The following TBCEL variants were observed in gnomAD, a reference collection of about 807,000 sequenced individuals.
The protein encoded by TBCEL is tubulin-specific chaperone cofactor E-like protein.
Under a neutral mutation model 44.2 loss-of-function variants are expected in TBCEL, and 15 were observed. That is an observed-to-expected ratio of 0.34 (90% CI 0.23 to 0.52). The LOEUF is 0.52. Among genes scored for constraint, TBCEL ranks in the 20% least tolerant of loss-of-function variants. The pLI, the probability that TBCEL is intolerant of heterozygous loss-of-function variation, is 0.95. For synonymous variants in TBCEL, 171 were observed against 185.4 expected (o/e 0.92, Z 0.63); for missense variants, 319 against 506.3 (o/e 0.63, Z 3.55).
At chr11:121,042,554 CTTATCTT>C (rs1458592395) in intron 2 of TBCEL, among the ~76,000 whole-genome samples, 1 of 152,122 alleles carries the variant, frequency 6.6e-6, no homozygotes, top group Non-Finnish European at 1.5e-5. Context: ...AAAACAAACT[CTTATCTT>C]TTAGCTTACA....
At chr11:121,073,629 A>G (rs1037091464) in intron 8 of TBCEL, among the ~76,000 whole-genome samples, 11 of 151,908 alleles carry the variant, frequency 7.2e-5, no homozygotes, top group Admixed American at 2.0e-4. Context: ...TAAAATGCGC[A>G]GTAAAAGAGG....
At chr11:121,050,095 T>G (rs964856414) in intron 4 of TBCEL, among the ~76,000 whole-genome samples, 1 of 151,712 alleles carries the variant, frequency 6.6e-6, no homozygotes, top group Admixed American at 6.6e-5. Context: ...CTGTAGTTGA[T>G]CCCAGTCTTC....
chr11:121,084,770 A>C (rs1302001576), intron 8 of TBCEL, among the ~76,000 whole-genome samples: 1 of 151,890 alleles, frequency 6.6e-6, no homozygotes, highest in African/African-American at 2.4e-5. Context: ...GTCTTTTCTG[A>C]GATTTTGTTA....
chr11:121,079,325 T>C (rs116107521), intron 8 of TBCEL, among the ~76,000 whole-genome samples: 1,855 of 152,166 alleles, frequency 0.012, 39 homozygotes, highest in African/African-American at 0.043. Flanking sequence ...ATAAGAGAAA[T>C]GAGAACCCTT....
chr11:121,082,641 G>T (rs1275965666), intron 8 of TBCEL, among the ~76,000 whole-genome samples: 1 of 152,136 alleles, frequency 6.6e-6, no homozygotes, highest in Non-Finnish European at 1.5e-5. Context: ...GATTGTCTTG[G>T]GGCCACCCTG....
intron 1 of TBCEL, among the ~76,000 whole-genome samples, chr11:121,033,969 AT>A (rs1185844142): frequency 1.3e-5 from 2 of 151,398 alleles, no homozygotes; most frequent in African/African-American, 2.4e-5. Flanking sequence ...CATGTGTCAA[AT>A]TTTTTTTTAA....
rs781014409 is a variant in TBCEL at position 121,059,960 on chromosome 11, A to T, written c.840-9A>T. The T allele has an allele frequency of 6.3e-7, 1 of 1,595,762 alleles. No individual in the cohort carries two copies. Among genetic ancestry groups the T allele is most frequent in the Non-Finnish European group, 8.6e-7 (1 of 1,166,920 alleles). ...TAAAAAATGTCTTTATTTTGGTTTT[A>T]ACTTATAGATTGCCATCAGTTTCCA... On this transcript the variant is annotated splice_polypyrimidine_tract_variant and intron_variant, in intron 7 of 8. Transcript: ENST00000683345.
chr11:121,034,835 A>G (rs918010867), intron 1 of TBCEL, among the ~76,000 whole-genome samples: 2 of 152,196 alleles, frequency 1.3e-5, no homozygotes, highest in African/African-American at 4.8e-5. Flanking sequence ...AGCTCAAAGG[A>G]AACATCGCTA....
At chr11:121,074,553 A>G (rs144524575) in intron 8 of TBCEL, among the ~76,000 whole-genome samples, 24 of 152,086 alleles carry the variant, frequency 1.6e-4, no homozygotes, top group African/African-American at 5.8e-4. Context: ...CCTGCTAATG[A>G]CTATCTTTTA....
chr11:121,048,740 T>C (rs767014405), intron 4 of TBCEL, among the ~76,000 whole-genome samples: 2 of 151,966 alleles, frequency 1.3e-5, no homozygotes, highest in African/African-American at 2.4e-5. Context: ...CCCTTCATCA[T>C]ATGGCCCTTT....
intron 7 of TBCEL, 85 bp from the exon 8 acceptor site, chr11:121,059,884 C>A: frequency 3.3e-6 from 3 of 922,070 alleles, no homozygotes; most frequent in African/African-American, 1.7e-5. Context: ...GAAAATAAGA[C>A]TGGGCCACAA....
At chr11:121,024,711 C>T (rs562491579) in intron 1 of TBCEL, among the ~76,000 whole-genome samples, 4 of 152,276 alleles carry the variant, frequency 2.6e-5, no homozygotes, top group East Asian at 1.9e-4. Flanking sequence ...AAATAGGAAA[C>T]TTGTCTCTGA....
At chr11:121,067,106 A>G (rs1381019652) in intron 8 of TBCEL, among the ~76,000 whole-genome samples, 2 of 152,194 alleles carry the variant, frequency 1.3e-5, no homozygotes, top group Non-Finnish European at 2.9e-5. Context: ...AAGTAAGAAA[A>G]GTTACCCAAA....
chr11:121,026,586 C>T (rs7122879), intron 1 of TBCEL, among the ~76,000 whole-genome samples: 34,148 of 152,088 alleles, frequency 0.22, 3,902 homozygotes, highest in East Asian at 0.33. Context: ...ATCAGTGGGG[C>T]CACATTCTTG....
intron 8 of TBCEL, among the ~76,000 whole-genome samples, chr11:121,070,636 A>T (rs1357602396): frequency 6.7e-6 from 1 of 148,932 alleles, no homozygotes; most frequent in Non-Finnish European, 1.5e-5. Context: ...TCTCACTCAT[A>T]AGTGGGAATT....
At chr11:121,048,827 C>T (rs1396516865) in intron 4 of TBCEL, among the ~76,000 whole-genome samples, 2 of 151,814 alleles carry the variant, frequency 1.3e-5, no homozygotes, top group East Asian at 1.9e-4. Flanking sequence ...AAATAAAAAG[C>T]TTCCTTGCTT....
chr11:121,056,438 G>A (rs1056439184), intron 6 of TBCEL, among the ~76,000 whole-genome samples: 1 of 151,818 alleles, frequency 6.6e-6, no homozygotes, highest in Non-Finnish European at 1.5e-5. Flanking sequence ...TAAAGCTGCT[G>A]TAAACATCTG....
intron 6 of TBCEL, among the ~76,000 whole-genome samples, 187 bp from the exon 7 acceptor site, chr11:121,058,158 A>G (rs966535950): frequency 6.6e-6 from 1 of 151,806 alleles, no homozygotes; most frequent in Non-Finnish European, 1.5e-5. Context: ...AGGAGAGGCT[A>G]TGGGGAAGTT....
chr11:121,067,746 TG>T (rs1318777143), intron 8 of TBCEL, among the ~76,000 whole-genome samples: 1 of 152,196 alleles, frequency 6.6e-6, no homozygotes, highest in Non-Finnish European at 1.5e-5. Context: ...ATGTCCTTAC[TG>T]GGCTGGTCAT....
Sources: allele counts gnomAD v4.1 joint callset (sites outside exome capture counted in the v4.1 genomes callset), GRCh38; gene constraint gnomAD v4.1.1; transcripts MANE v1.5; gene names NCBI Gene and HGNC (gene_info 2026-07-23, HGNC 2026-07-21).